The following CDKAL1 variants were observed in gnomAD, a reference collection of about 807,000 sequenced individuals.
The protein encoded by CDKAL1 is CDKAL1 threonylcarbamoyladenosine tRNA methylthiotransferase.
Under a neutral mutation model 68.2 loss-of-function variants are expected in CDKAL1, and 32 were observed. That is an observed-to-expected ratio of 0.47 (90% confidence interval 0.35 to 0.63). The LOEUF (loss-of-function observed/expected upper bound fraction) is 0.63. Ranked by LOEUF, CDKAL1 falls within the 30% of genes least tolerant of loss-of-function variation. The pLI, the probability that CDKAL1 is intolerant of heterozygous loss-of-function variation, is 0.00. For synonymous variants in CDKAL1, 234 were observed against 244.3 expected (o/e 0.96, Z 0.39); for missense variants, 606 against 696.7 (o/e 0.87, Z 1.47).
At chr6:20,562,168 A>G (rs1581729426) in intron 4 of CDKAL1, among the ~76,000 whole-genome samples, 1 of 152,226 alleles carries the variant, frequency 6.6e-6, no homozygotes, top group Middle Eastern at 3.4e-3. Context: ...TTGGAGTATT[A>G]CTTGTATTCA....
chr6:21,135,745 T>C (rs1775559952), intron 13 of CDKAL1: 4 of 976,258 alleles, frequency 4.1e-6, no homozygotes, highest in Non-Finnish European at 4.9e-6. Context: ...AACCATTTCA[T>C]TCGCTCAGGA....
intron 9 of CDKAL1, among the ~76,000 whole-genome samples, chr6:20,879,200 G>C (rs192220505): frequency 6.6e-6 from 1 of 152,168 alleles, no homozygotes; most frequent in Non-Finnish European, 1.5e-5. Flanking sequence ...TGGACTCTTT[G>C]CATTTCTGTA....
intron 13 of CDKAL1, among the ~76,000 whole-genome samples, chr6:21,116,223 A>T (rs1774403200): frequency 6.6e-6 from 1 of 152,144 alleles, no homozygotes; most frequent in Non-Finnish European, 1.5e-5. Flanking sequence ...GGTAGAATCG[A>T]GGTATTTACA....
intron 5 of CDKAL1, among the ~76,000 whole-genome samples, chr6:20,713,069 G>C (rs958078694): frequency 1.3e-5 from 2 of 152,104 alleles, no homozygotes; most frequent in African/African-American, 4.8e-5. Flanking sequence ...TTACTTACTT[G>C]ATGCCTGTAA....
chr6:21,142,686 G>A (rs1015673070), intron 13 of CDKAL1, among the ~76,000 whole-genome samples: 4 of 152,206 alleles, frequency 2.6e-5, no homozygotes, highest in Admixed American at 2.0e-4. Context: ...ACCAAAGTAC[G>A]AATAGAATGC....
intron 5 of CDKAL1, among the ~76,000 whole-genome samples, chr6:20,721,109 C>G (rs1204132259): frequency 7.5e-6 from 1 of 134,092 alleles, no homozygotes; most frequent in South Asian, 2.9e-4. Context: ...TATCCCACCC[C>G]CCTCCCCCTA....
At chr6:20,894,966 A>G (rs147860600) in intron 9 of CDKAL1, among the ~76,000 whole-genome samples, 1 of 152,244 alleles carries the variant, frequency 6.6e-6, no homozygotes, top group East Asian at 1.9e-4. Context: ...ATGAAATAAT[A>G]TGTTACAGAT....
At chr6:20,845,245 G>A (rs1778335007) in intron 8 of CDKAL1, among the ~76,000 whole-genome samples, 1 of 152,000 alleles carries the variant, frequency 6.6e-6, no homozygotes, top group African/African-American at 2.4e-5. Context: ...CTGAAGAAAT[G>A]TTCCTTTTTG....
chr6:20,637,044 AAAAAAAAAG>A (rs1259487317), intron 4 of CDKAL1, among the ~76,000 whole-genome samples: 3,492 of 151,092 alleles, frequency 0.023, 100 homozygotes, highest in African/African-American at 0.078. Context: ...CTCAAAAAAA[AAAAAAAAAG>A]AAAAAAGAAA....
intron 11 of CDKAL1, among the ~76,000 whole-genome samples, chr6:21,046,596 C>A (rs553649349): frequency 6.6e-6 from 1 of 152,186 alleles, no homozygotes; most frequent in Non-Finnish European, 1.5e-5. Flanking sequence ...TGAGACACAA[C>A]GGAGCTGCTC....
At position 20,838,934 on chromosome 6, in the gene CDKAL1, C is replaced by G. The variant is rs1353541878; in HGVS notation, c.639-7141C>G. On this transcript the variant is annotated intron_variant, in intron 8 of 15. Coordinates refer to ENST00000274695, the MANE Select transcript of CDKAL1 (RefSeq NM_017774.3). ...AGCTTGCAGTGAGCCCAGATCACAC[C>G]ACTGCACACCAGCCTGGGAGACAGA... Among the ~76,000 whole-genome samples, 7 of 149,940 alleles carry G rather than the reference C, an allele frequency of 4.7e-5. No homozygotes were observed. In the South Asian group the frequency reaches 6.4e-4, roughly 14 times the overall value.
intron 4 of CDKAL1, among the ~76,000 whole-genome samples, chr6:20,568,509 C>T (rs907199945): frequency 2.0e-5 from 3 of 151,600 alleles, no homozygotes; most frequent in Non-Finnish European, 4.4e-5. Context: ...CCGAGGCGGG[C>T]GGATCAGAGG....
chr6:20,640,201 A>G (rs1322925190), intron 4 of CDKAL1, among the ~76,000 whole-genome samples: 3 of 152,190 alleles, frequency 2.0e-5, no homozygotes, highest in African/African-American at 7.2e-5. Flanking sequence ...TTTGGGTTCA[A>G]GACAATCAAA....
chr6:20,918,675 G>C (rs1762823252), intron 9 of CDKAL1, among the ~76,000 whole-genome samples: 1 of 152,158 alleles, frequency 6.6e-6, no homozygotes, highest in African/African-American at 2.4e-5. Context: ...GTTTGGTTTT[G>C]ATTTTAGGCT....
intron 13 of CDKAL1, among the ~76,000 whole-genome samples, chr6:21,118,621 C>T (rs1774543205): frequency 6.6e-6 from 1 of 152,168 alleles, no homozygotes; most frequent in Admixed American, 6.5e-5. Flanking sequence ...TAAACGTATA[C>T]GTTAACACTC....
At chr6:20,784,336 C>T (rs1213109962) in intron 8 of CDKAL1, among the ~76,000 whole-genome samples, 2 of 145,208 alleles carry the variant, frequency 1.4e-5, no homozygotes, top group Non-Finnish European at 3.0e-5. Context: ...AGTTGTTATA[C>T]TGTATTTTAA....
intron 10 of CDKAL1, among the ~76,000 whole-genome samples, chr6:20,958,773 A>G (rs1764907371): frequency 6.6e-6 from 1 of 152,174 alleles, no homozygotes; most frequent in African/African-American, 2.4e-5. Flanking sequence ...TTTTTAGAAG[A>G]TGCTTCACAC....
At chr6:21,037,476 G>A (rs752012091) in intron 11 of CDKAL1, among the ~76,000 whole-genome samples, 3 of 152,144 alleles carry the variant, frequency 2.0e-5, no homozygotes, top group Admixed American at 1.3e-4. Context: ...TTATGGGTTG[G>A]TTTATTTCTT....
intron 15 of CDKAL1, among the ~76,000 whole-genome samples, chr6:21,228,137 G>A (rs1013665917): frequency 9.9e-5 from 15 of 152,164 alleles, no homozygotes; most frequent in African/African-American, 3.1e-4. Context: ...CCTGAAGCTC[G>A]TGTAGCCAGT....
Sources: allele counts gnomAD v4.1 joint callset (sites outside exome capture counted in the v4.1 genomes callset), GRCh38; gene constraint gnomAD v4.1.1; transcripts MANE v1.5; gene names NCBI Gene and HGNC (gene_info 2026-07-23, HGNC 2026-07-21).